BMPR1A: variants seen among roughly 807,000 people sequenced by gnomAD.
The protein encoded by BMPR1A is bone morphogenetic protein receptor type 1A.
In BMPR1A, 7 loss-of-function variants were observed where a neutral mutation model predicts 66.0. The ratio of observed to expected loss-of-function variants is 0.11; its 90% CI spans 0.06 to 0.20. The LOEUF (loss-of-function observed/expected upper bound fraction) is 0.20, where lower values mean the gene tolerates loss of function less well. BMPR1A is among the 10% of genes least tolerant of loss of function. The probability of loss-of-function intolerance (pLI) is 1.00; values close to 1 mark genes in which losing one functional copy is unlikely to be tolerated. For synonymous variants in BMPR1A, 200 were observed against 229.7 expected (o/e 0.87, Z 1.17); for missense variants, 408 against 669.1 (o/e 0.61, Z 4.31).
At chr10:86,786,055 A>C (rs1841510166) in intron 1 of BMPR1A, among the ~76,000 whole-genome samples, 1 of 152,140 alleles carries the variant, frequency 6.6e-6, no homozygotes. Context: ...ACCACAAGAA[A>C]AATATCTGCA....
intron 1 of BMPR1A, among the ~76,000 whole-genome samples, chr10:86,767,999 C>T (rs1367994748): frequency 6.6e-6 from 1 of 152,190 alleles, no homozygotes; most frequent in Non-Finnish European, 1.5e-5. Context: ...GTTCCAGTTC[C>T]CCTAGTAAGA....
At chr10:86,789,852 A>C (rs1414666481) in intron 1 of BMPR1A, among the ~76,000 whole-genome samples, 1 of 151,658 alleles carries the variant, frequency 6.6e-6, no homozygotes, top group Non-Finnish European at 1.5e-5. Context: ...TAATGTCGTT[A>C]GTCATTAGAA....
chr10:86,821,079 C>T (rs185021019), intron 1 of BMPR1A, among the ~76,000 whole-genome samples: 1 of 152,218 alleles, frequency 6.6e-6, no homozygotes. Context: ...ATTTTGTGAT[C>T]TGATTTTTTC....
rs1405284642 is a variant in BMPR1A, at chr10:86,779,014, C to G, written c.-268+22095C>G. On this transcript the variant is annotated intron_variant, in intron 1 of 12. Coordinates refer to ENST00000372037, the MANE Select transcript of BMPR1A (RefSeq NM_004329.3). ...AACTCCTGACTTCAAGTGATCCATT[C>G]CTCTCAGCCTGCCAAAGGGCTGGGA... 8.0e-5 allele frequency among the ~76,000 whole-genome samples: 12 copies of G among 150,698 alleles called. No individual in the cohort carries two copies. In the East Asian group the frequency reaches 2.4e-3, roughly 30 times the overall value.
chr10:86,907,508 T>C (rs1022690950), intron 7 of BMPR1A, among the ~76,000 whole-genome samples: 8 of 152,304 alleles, frequency 5.3e-5, no homozygotes, highest in South Asian at 4.1e-4. Flanking sequence ...AATCAGTATA[T>C]TGAAGGCCTG....
chr10:86,813,329 C>T (rs1256079946), intron 1 of BMPR1A, among the ~76,000 whole-genome samples: 2 of 152,126 alleles, frequency 1.3e-5, no homozygotes, highest in African/African-American at 4.8e-5. Flanking sequence ...CAATTTCTGC[C>T]TCACACCTGG....
At chr10:86,860,251 C>T (rs1315969665) in intron 2 of BMPR1A, among the ~76,000 whole-genome samples, 1 of 152,028 alleles carries the variant, frequency 6.6e-6, no homozygotes, top group Non-Finnish European at 1.5e-5. Flanking sequence ...AGAAGAACTA[C>T]AAGTATCTAT....
At chr10:86,849,739 G>A (rs969102794) in intron 2 of BMPR1A, among the ~76,000 whole-genome samples, 2 of 152,164 alleles carry the variant, frequency 1.3e-5, no homozygotes, top group Admixed American at 1.3e-4. Context: ...GTTATTTTGA[G>A]CAGTATCTAG....
intron 3 of BMPR1A, among the ~76,000 whole-genome samples, chr10:86,880,870 T>C (rs150059191): frequency 2.0e-5 from 3 of 151,988 alleles, no homozygotes; most frequent in African/African-American, 7.3e-5. Flanking sequence ...AAATCAAATA[T>C]GTTTAAATCC....
At chr10:86,871,767 ACTTC>A (rs1842857985) in intron 2 of BMPR1A, among the ~76,000 whole-genome samples, 1 of 151,720 alleles carries the variant, frequency 6.6e-6, no homozygotes, top group African/African-American at 2.4e-5. Flanking sequence ...GTACCACTGC[ACTTC>A]AGCCTGGGCA....
intron 1 of BMPR1A, among the ~76,000 whole-genome samples, chr10:86,826,503 T>G (rs1842198176): frequency 6.6e-6 from 1 of 151,622 alleles, no homozygotes. Context: ...CTACCCCACC[T>G]CCATCTACCA....
chr10:86,900,795 C>T (rs1843297714), intron 7 of BMPR1A, among the ~76,000 whole-genome samples: 1 of 152,142 alleles, frequency 6.6e-6, no homozygotes, highest in Non-Finnish European at 1.5e-5. Flanking sequence ...GACTTGGAAT[C>T]TTCTGTTAGG....
At chr10:86,815,077 C>G (rs1222657968) in intron 1 of BMPR1A, among the ~76,000 whole-genome samples, 2 of 152,206 alleles carry the variant, frequency 1.3e-5, no homozygotes, top group African/African-American at 4.8e-5. Context: ...GCTACCATGC[C>G]TAGCCCCTTC....
chr10:86,763,809 T>TTGA lies in BMPR1A; in HGVS notation c.-268+6890_-268+6891insTGA, dbSNP rs1554875955. On this transcript the variant is annotated intron_variant, in intron 1 of 12. Coordinates refer to ENST00000372037, the MANE Select transcript of BMPR1A (RefSeq NM_004329.3). Reference sequence around the variant, plus strand: ...ATAGTTGTTTTTTTTTTTTTTTTTTTGAGACGGAGTCTCGCTCTGTCGCCC... The same window carrying TTGA: ...ATAGTTGTTTTTTTTTTTTTTTTTTTTGAGAGACGGAGTCTCGCTCTGTCGCCC... 8.0e-5 allele frequency among the ~76,000 whole-genome samples: 12 copies of TTGA among 150,248 alleles called. No homozygotes were observed. In the East Asian group the frequency reaches 2.3e-3, roughly 29 times the overall value.
intron 1 of BMPR1A, among the ~76,000 whole-genome samples, chr10:86,801,170 C>T (rs973384299): frequency 6.6e-6 from 1 of 152,164 alleles, no homozygotes; most frequent in South Asian, 2.1e-4. Context: ...GACAGGGTCT[C>T]ATTCTGTCAC....
At chr10:86,818,977 T>A (rs920706082) in intron 1 of BMPR1A, among the ~76,000 whole-genome samples, 1 of 152,204 alleles carries the variant, frequency 6.6e-6, no homozygotes. Flanking sequence ...ATACGTTGAA[T>A]GAACCCGAAG....
intron 1 of BMPR1A, among the ~76,000 whole-genome samples, chr10:86,777,785 A>T (rs527322060): frequency 6.6e-6 from 1 of 152,052 alleles, no homozygotes; most frequent in African/African-American, 2.4e-5. Context: ...AGGCTGAGGC[A>T]GGTGGATCAC....
At chr10:86,839,923 A>G (rs1589740951) in intron 2 of BMPR1A, among the ~76,000 whole-genome samples, 1 of 152,112 alleles carries the variant, frequency 6.6e-6, no homozygotes. Flanking sequence ...CAACCTCCCA[A>G]AGTGCTGGGA....
Position 86,919,688 on chromosome 10 carries a change from TTTG to T in BMPR1A, c.1166+222_1166+224del, listed in dbSNP as rs553807229. Among the ~76,000 whole-genome samples the T allele has an allele frequency of 0.011, 1,537 of 142,762 alleles. 33 individuals carry two copies. The highest frequency in any genetic ancestry group is 0.04 in the African/African-American group (1,417 of 35,466). The allele number at this position is 142,762 out of a possible 152,430, so 93.7% of individuals were successfully genotyped here. A position where few individuals can be genotyped will look rare whatever the true frequency, so the allele number is the denominator to read the frequency against. ...TATATATATTTTTTTGGTGTTTTTTTTTGTTTGTTTTTTGTTTTTTGTTTTTTG... is the reference window on the plus strand; with the variant it reads ...TATATATATTTTTTTGGTGTTTTTTTTTTGTTTTTTGTTTTTTGTTTTTTG... On this transcript the variant is annotated intron_variant, in intron 10 of 12. Coordinates refer to ENST00000372037, the MANE Select transcript of BMPR1A (RefSeq NM_004329.3).
Sources: allele counts gnomAD v4.1 joint callset (sites outside exome capture counted in the v4.1 genomes callset), GRCh38; gene constraint gnomAD v4.1.1; transcripts MANE v1.5; gene names NCBI Gene and HGNC (gene_info 2026-07-23, HGNC 2026-07-21).